The following DLGAP2 variants were observed in gnomAD, a reference collection of about 807,000 sequenced individuals.
The protein encoded by DLGAP2 is disks large-associated protein 2.
Under a neutral mutation model 100.3 loss-of-function variants are expected in DLGAP2, and 26 were observed. The ratio of observed to expected loss-of-function variants is 0.26; its 90% CI spans 0.19 to 0.36. DLGAP2 has a LOEUF of 0.36. Ranked by LOEUF, DLGAP2 falls within the 10% of genes least tolerant of loss-of-function variation. The probability of loss-of-function intolerance (pLI) is 1.00; values close to 1 mark genes in which losing one functional copy is unlikely to be tolerated. For synonymous variants in DLGAP2, 886 were observed against 630.1 expected, an observed-to-expected ratio of 1.41 and a Z score of -6.08; for missense variants, 1,858 against 1,453.2, an observed-to-expected ratio of 1.28 and a Z score of -4.53.
intron 3 of DLGAP2, among the ~76,000 whole-genome samples, chr8:1,447,521 C>T (rs1584913757): frequency 6.6e-6 from 1 of 152,182 alleles, no homozygotes; most frequent in Non-Finnish European, 1.5e-5. Flanking sequence ...CATCAATGCT[C>T]ATCAAGGATA....
intron 3 of DLGAP2, among the ~76,000 whole-genome samples, chr8:1,291,748 A>G (rs888193060): frequency 2.6e-5 from 4 of 152,028 alleles, no homozygotes; most frequent in African/African-American, 9.7e-5. Context: ...TTGGACCCCA[A>G]CACCACACCC....
intron 2 of DLGAP2, among the ~76,000 whole-genome samples, chr8:1,169,490 G>T (rs946251066): frequency 3.3e-5 from 5 of 152,076 alleles, no homozygotes; most frequent in Admixed American, 6.5e-5. Context: ...CCATTTTCAT[G>T]ATATTGATTC....
chr8:1,051,883 T>G (rs1802724094), intron 2 of DLGAP2, among the ~76,000 whole-genome samples: 1 of 152,136 alleles, frequency 6.6e-6, no homozygotes, highest in South Asian at 2.1e-4. Context: ...GTTTTTTCCT[T>G]TCAATTTCAA....
chr8:1,380,186 AG>A (rs1563116623), intron 3 of DLGAP2: 4 of 152,146 alleles, frequency 2.6e-5, no homozygotes, highest in Non-Finnish European at 5.9e-5. Context: ...TCCTGAAAAG[AG>A]TACTCGAATG....
At chr8:1,519,189 G>A (rs1257815972) in intron 4 of DLGAP2, among the ~76,000 whole-genome samples, 1 of 152,162 alleles carries the variant, frequency 6.6e-6, no homozygotes, top group East Asian at 1.9e-4. Context: ...GGGGCTTCTG[G>A]AAAATGAGCA....
chr8:1,631,984 C>G (rs190813469), intron 7 of DLGAP2, among the ~76,000 whole-genome samples: 1 of 152,210 alleles, frequency 6.6e-6, no homozygotes, highest in Non-Finnish European at 1.5e-5. Flanking sequence ...CCAACATAAT[C>G]CAGGGGGTTC....
rs1563275240 is a variant in DLGAP2, at chr8:1,641,883, G to GCCCTCACCT, written c.1810+8837_1810+8838insCCCTCACCT. Among the ~76,000 whole-genome samples the GCCCTCACCT allele has an allele frequency of 4.8e-4, 60 of 124,600 alleles. 1 individual carries two copies. The highest frequency in any genetic ancestry group is 2.0e-3 in the African/African-American group (56 of 28,700). 81.7% of individuals were successfully genotyped at this position (124,600 alleles called of 152,430 possible). A position where few individuals can be genotyped will look rare whatever the true frequency, so the allele number is the denominator to read the frequency against. On this transcript the variant is annotated intron_variant, in intron 8 of 14. Coordinates refer to ENST00000637795, the MANE Select transcript of DLGAP2 (RefSeq NM_001346810.2). The stretch of plus-strand genomic sequence containing the variant: ...GCCTCCCATACCCCTCGAACCCGCC[G>GCCCTCACCT]GTCCTCACCTGTGTCACCCTCGACC...
intron 2 of DLGAP2, among the ~76,000 whole-genome samples, chr8:965,974 C>T (rs570635393): frequency 1.2e-4 from 18 of 152,344 alleles, no homozygotes; most frequent in East Asian, 7.7e-4. Context: ...GTACCCTTCT[C>T]CTGGGCTGGA....
At chr8:1,206,840 C>T (rs1277034881) in intron 2 of DLGAP2, among the ~76,000 whole-genome samples, 1 of 152,212 alleles carries the variant, frequency 6.6e-6, no homozygotes, top group Non-Finnish European at 1.5e-5. Flanking sequence ...CTGTCGCTGA[C>T]ACAGCAAGGT....
intron 2 of DLGAP2, among the ~76,000 whole-genome samples, chr8:983,842 G>A (rs948131349): frequency 1.3e-5 from 2 of 152,054 alleles, no homozygotes; most frequent in Non-Finnish European, 2.9e-5. Context: ...GTCTCGCTTT[G>A]TTGCCCAGGC....
chr8:823,671 T>G (rs1016775014), intron 1 of DLGAP2, among the ~76,000 whole-genome samples: 1 of 152,112 alleles, frequency 6.6e-6, no homozygotes, highest in African/African-American at 2.4e-5. Context: ...CTGTGGCGCC[T>G]GCCTCCAGCT....
intron 3 of DLGAP2, among the ~76,000 whole-genome samples, chr8:1,449,298 C>T (rs930748296): frequency 6.6e-6 from 1 of 152,176 alleles, no homozygotes; most frequent in African/African-American, 2.4e-5. Context: ...CAGGGTCGGG[C>T]CATGATGGAC....
At chr8:1,231,407 G>A (rs1798532801) in intron 2 of DLGAP2, among the ~76,000 whole-genome samples, 1 of 152,218 alleles carries the variant, frequency 6.6e-6, no homozygotes, top group Non-Finnish European at 1.5e-5. Flanking sequence ...AATTAGTTCA[G>A]CCATAGTGGA....
intron 3 of DLGAP2, among the ~76,000 whole-genome samples, chr8:1,319,679 G>A (rs955644046): frequency 1.3e-5 from 2 of 152,214 alleles, no homozygotes; most frequent in Non-Finnish European, 2.9e-5. Flanking sequence ...TTAAGGGAAA[G>A]CCTCTCTGAG....
chr8:765,666 A>T (rs1219286149), intron 1 of DLGAP2, among the ~76,000 whole-genome samples: 2 of 152,096 alleles, frequency 1.3e-5, no homozygotes, highest in Non-Finnish European at 2.9e-5. Flanking sequence ...CACGTTTGGG[A>T]CCTCTAAGAC....
intron 2 of DLGAP2, among the ~76,000 whole-genome samples, chr8:1,091,229 T>G (rs1232552625): frequency 6.6e-6 from 1 of 152,176 alleles, no homozygotes; most frequent in Non-Finnish European, 1.5e-5. Context: ...ACCCGGTCAG[T>G]CCCACTGGGC....
chr8:856,274 C>T (rs921211009), intron 1 of DLGAP2, among the ~76,000 whole-genome samples: 9 of 149,144 alleles, frequency 6.0e-5, no homozygotes, highest in East Asian at 4.0e-4. Flanking sequence ...CTACAACCTT[C>T]GCCTCCCGGG....
At chr8:869,772 C>G (rs1797563559) in intron 1 of DLGAP2, among the ~76,000 whole-genome samples, 1 of 152,164 alleles carries the variant, frequency 6.6e-6, no homozygotes, top group Non-Finnish European at 1.5e-5. Flanking sequence ...AAATCTGGGT[C>G]ACAGAAGCTG....
chr8:1,270,313 G>GAAGC (rs1459273398), intron 3 of DLGAP2, among the ~76,000 whole-genome samples: 3 of 152,190 alleles, frequency 2.0e-5, no homozygotes, highest in African/African-American at 7.2e-5. Flanking sequence ...TCTGAAAAAT[G>GAAGC]TCCAGAAATA....
Sources: gnomAD v4.1 joint callset for allele counts (sites outside exome capture counted in the v4.1 genomes callset) on GRCh38, gnomAD v4.1.1 for gene constraint, MANE v1.5 for transcripts, NCBI Gene and HGNC (gene_info 2026-07-23, HGNC 2026-07-21) for gene names.